The following LINGO1 variants were observed in gnomAD, a reference collection of about 807,000 sequenced individuals.
LINGO1 encodes leucine rich repeat and Ig domain containing 1.
LINGO1 carries 11 observed loss-of-function variants against 37.3 expected under a neutral mutation model. The observed-to-expected ratio is 0.29, with a 90% confidence interval of 0.19 to 0.49. LINGO1 has a LOEUF of 0.49. LINGO1 is among the 20% of genes least tolerant of loss of function. The pLI is 0.99. For synonymous variants in LINGO1, 387 were observed against 403.0 expected (o/e 0.96, Z 0.48); for missense variants, 585 against 878.2 (o/e 0.67, Z 4.22).
intron 1 of LINGO1, among the ~76,000 whole-genome samples, chr15:77,765,734 G>A (rs1056913147): frequency 9.2e-5 from 14 of 152,146 alleles, no homozygotes; most frequent in African/African-American, 2.2e-4. Flanking sequence ...GAGTTTGTAC[G>A]CTGAATTTCA....
At chr15:77,705,205 A>ACACACACACACACACC (rs1555532644) in intron 2 of LINGO1, among the ~76,000 whole-genome samples, 4 of 145,428 alleles carry the variant, frequency 2.8e-5, no homozygotes, top group African/African-American at 8.0e-5. Flanking sequence ...ACACACACAC[A>ACACACACACACACACC]CCAGTCCACT....
At chr15:77,644,214 G>A (rs1266637612) in intron 3 of LINGO1, among the ~76,000 whole-genome samples, 1 of 152,224 alleles carries the variant, frequency 6.6e-6, no homozygotes, top group African/African-American at 2.4e-5. Context: ...TCTCTGTCGT[G>A]TGTGTCAGGG....
At chr15:77,729,890 T>C (rs1041834589) in intron 2 of LINGO1, among the ~76,000 whole-genome samples, 1 of 152,352 alleles carries the variant, frequency 6.6e-6, no homozygotes, top group South Asian at 2.1e-4. Context: ...TATTTTCCCC[T>C]GCCTTGAATT....
chr15:77,815,153 G>T (rs892396027), intron 1 of LINGO1, among the ~76,000 whole-genome samples: 1 of 152,228 alleles, frequency 6.6e-6, no homozygotes, highest in African/African-American at 2.4e-5. Context: ...AGAAGACCAT[G>T]GTGGCAGCTG....
chr15:77,810,212 G>A (rs1450487449), intron 1 of LINGO1, among the ~76,000 whole-genome samples: 3 of 148,702 alleles, frequency 2.0e-5, no homozygotes, highest in African/African-American at 7.6e-5. Flanking sequence ...AAGTAACTAG[G>A]CACACACACA....
In LINGO1 at chr15:77,774,933, C is replaced by T. The variant is rs4886525; in HGVS notation, c.-257+11936G>A. Among the ~76,000 whole-genome samples, 477 of 152,294 alleles carry T rather than the reference C, an allele frequency of 3.1e-3. 8 individuals carry two copies. Among genetic ancestry groups the T allele is most frequent in the Admixed American group, 0.026 (394 of 15,310 alleles). On this transcript the variant is annotated intron_variant, in intron 1 of 3. Coordinates refer to the LINGO1 transcript ENST00000561686. Reference sequence around the variant, plus strand: ...ACAGCCTCAGTACTCCTGCATCCTGCCCCGGAGAGGCCAACAGCTCCAGCT... The same window carrying T: ...ACAGCCTCAGTACTCCTGCATCCTGTCCCGGAGAGGCCAACAGCTCCAGCT...
intron 1 of LINGO1, among the ~76,000 whole-genome samples, chr15:77,749,467 C>T (rs1286710222): frequency 1.3e-5 from 2 of 152,232 alleles, no homozygotes; most frequent in Non-Finnish European, 1.5e-5. Context: ...GCCTCACAGC[C>T]CTGGTAAGAA....
At chr15:77,777,905 C>A (rs2076677599) in intron 1 of LINGO1, among the ~76,000 whole-genome samples, 1 of 135,162 alleles carries the variant, frequency 7.4e-6, no homozygotes, top group Non-Finnish European at 1.5e-5. Flanking sequence ...GTCTGGGCAG[C>A]AGAGCAAGAC....
chr15:77,817,857 C>A (rs1156710735), intron 1 of LINGO1, among the ~76,000 whole-genome samples: 1 of 152,152 alleles, frequency 6.6e-6, no homozygotes, highest in Non-Finnish European at 1.5e-5. Context: ...ACTTGCCCAC[C>A]GGTCCTGCAT....
At chr15:77,672,957 G>A (rs2075275472) in intron 3 of LINGO1, among the ~76,000 whole-genome samples, 1 of 152,158 alleles carries the variant, frequency 6.6e-6, no homozygotes, top group Non-Finnish European at 1.5e-5. Flanking sequence ...GCGAGGTCTG[G>A]ACAGACATGA....
At chr15:77,679,386 A>C (rs935600631) in intron 2 of LINGO1, among the ~76,000 whole-genome samples, 1 of 152,198 alleles carries the variant, frequency 6.6e-6, no homozygotes, top group Non-Finnish European at 1.5e-5. Flanking sequence ...TTCCCCCAAT[A>C]CCTAGAATAG....
At chr15:77,691,177 A>G (rs184882076) in intron 1 of LINGO1, among the ~76,000 whole-genome samples, 1 of 152,328 alleles carries the variant, frequency 6.6e-6, no homozygotes, top group African/African-American at 2.4e-5. Flanking sequence ...TTTTATTTTA[A>G]TTAATTTACA....
At chr15:77,626,750 A>G (rs999679735) in intron 1 of LINGO1, among the ~76,000 whole-genome samples, 6 of 152,174 alleles carry the variant, frequency 3.9e-5, no homozygotes, top group African/African-American at 4.8e-5. Context: ...GAGGAATCCG[A>G]TGAGACATTA....
chr15:77,662,390 A>T (rs898277388), intron 3 of LINGO1, among the ~76,000 whole-genome samples: 2 of 152,144 alleles, frequency 1.3e-5, no homozygotes, highest in African/African-American at 4.8e-5. Context: ...GCCCTTGGGG[A>T]TGAGGGGGCA....
chr15:77,650,053 C>T (rs1029478575), intron 3 of LINGO1, among the ~76,000 whole-genome samples: 1 of 152,274 alleles, frequency 6.6e-6, no homozygotes, highest in Admixed American at 6.5e-5. Flanking sequence ...ACCACCCACA[C>T]ATTCTCACAT....
chr15:77,617,449 C>T lies in LINGO1; in HGVS notation c.7-1549G>A, dbSNP rs76315392. 7.9e-3 allele frequency among the ~76,000 whole-genome samples: 1,207 copies of T among 152,312 alleles called. 20 individuals carry two copies. Among genetic ancestry groups the T allele is most frequent in the African/African-American group, 0.027 (1,112 of 41,556 alleles). ...GGGGTAAAGACCCATCCCTGCTCCTCTACTGCAGCCTCCAGTGCCCCTGGG... is the reference window on the plus strand; with the variant it reads ...GGGGTAAAGACCCATCCCTGCTCCTTTACTGCAGCCTCCAGTGCCCCTGGG... On this transcript the variant is annotated intron_variant, in intron 1 of 1. Coordinates refer to ENST00000355300, the MANE Select transcript of LINGO1 (RefSeq NM_032808.7).
chr15:77,712,365 G>C (rs1177238272), intron 2 of LINGO1, among the ~76,000 whole-genome samples: 5 of 151,638 alleles, frequency 3.3e-5, no homozygotes, highest in Non-Finnish European at 5.9e-5. Flanking sequence ...GTGAGCTTGA[G>C]TTCCATGGTC....
At chr15:77,691,113 T>C (rs2075595678) in intron 1 of LINGO1, among the ~76,000 whole-genome samples, 1 of 152,250 alleles carries the variant, frequency 6.6e-6, no homozygotes, top group Non-Finnish European at 1.5e-5. Context: ...CCACCAGTCA[T>C]ATGCGGATAT....
chr15:77,639,148 T>C (rs908842391), upstream of LINGO1, among the ~76,000 whole-genome samples: 1 of 152,000 alleles, frequency 6.6e-6, no homozygotes, highest in African/African-American at 2.4e-5. Context: ...AGCCTTGAGA[T>C]GACTGAAGCT....
Sources: gnomAD v4.1 joint callset for allele counts (sites outside exome capture counted in the v4.1 genomes callset) on GRCh38, gnomAD v4.1.1 for gene constraint, MANE v1.5 for transcripts, NCBI Gene and HGNC (gene_info 2026-07-23, HGNC 2026-07-21) for gene names.